The following MYO9A variants were observed in gnomAD, a reference collection of about 807,000 sequenced individuals.
The protein encoded by MYO9A is unconventional myosin-IXa.
Under a neutral mutation model 293.3 loss-of-function variants are expected in MYO9A, and 103 were observed. The observed-to-expected ratio is 0.35, with a 90% confidence interval of 0.30 to 0.41. MYO9A has a LOEUF of 0.41. Among genes scored for constraint, MYO9A ranks in the 10% least tolerant of loss-of-function variants. The pLI is 1.00. For synonymous variants in MYO9A, 1,001 were observed against 1,035.7 expected (o/e 0.97, Z 0.64); for missense variants, 2,685 against 3,033.0 (o/e 0.89, Z 2.69).
At chr15:72,091,696 G>A (rs925247577) in intron 1 of MYO9A, among the ~76,000 whole-genome samples, 2 of 147,150 alleles carry the variant, frequency 1.4e-5, no homozygotes, top group African/African-American at 2.5e-5. Context: ...AAATACATCA[G>A]AAAATATATA....
intron 34 of MYO9A, 127 bp downstream of exon 34, chr15:71,859,608 G>C (rs1433195802): frequency 1.5e-6 from 1 of 650,154 alleles, no homozygotes. Flanking sequence ...TTTCTACTGT[G>C]ATTTGTGGTC....
At position 72,069,390 on chromosome 15, in the gene MYO9A, A is replaced by T. The variant is rs550510312; in HGVS notation, c.-71-22756T>A. ...TATATAGGCTTGTTAAGGGTAGAAT[A>T]TTTTTTTGTCTTTCCATCTGCTATA... On this transcript the variant is annotated intron_variant, in intron 1 of 41. Transcript: ENST00000356056. Among the ~76,000 whole-genome samples, 3 of 152,254 alleles carry T rather than the reference A, an allele frequency of 2.0e-5. No individual in the cohort carries two copies. The East Asian group carries it at 5.8e-4, about 29-fold the overall frequency.
intron 19 of MYO9A, among the ~76,000 whole-genome samples, chr15:71,911,984 G>A (rs2057866356): frequency 6.6e-6 from 1 of 151,642 alleles, no homozygotes; most frequent in Non-Finnish European, 1.5e-5. Flanking sequence ...TTTTTTTATT[G>A]AGTATATTTT....
intron 9 of MYO9A, among the ~76,000 whole-genome samples, chr15:71,998,373 A>C (rs2076761394): frequency 6.6e-6 from 1 of 152,158 alleles, no homozygotes; most frequent in Non-Finnish European, 1.5e-5. Context: ...GTGACGAAAT[A>C]ATCTCTACAA....
chr15:71,966,263 C>T (rs1160966617), intron 13 of MYO9A, among the ~76,000 whole-genome samples: 1 of 41,448 alleles, frequency 2.4e-5, no homozygotes, highest in African/African-American at 9.7e-5. Flanking sequence ...ATATCCCAGG[C>T]AAGTGTGTGT....
rs925362216 is a variant in MYO9A, at chr15:71,875,203, G to A, written c.5979+588C>T. Among the ~76,000 whole-genome samples, 7 of 151,936 alleles carry A rather than the reference G, an allele frequency of 4.6e-5. No individual in the cohort carries two copies. In the South Asian group the frequency reaches 1.0e-3, roughly 23 times the overall value. ...TTATAAATGATGTTGTGTATATGAT[G>A]TATATATGATAACATCATATATTGG... On this transcript the variant is annotated intron_variant, in intron 32 of 41. Coordinates refer to ENST00000356056, the MANE Select transcript of MYO9A (RefSeq NM_006901.4).
At position 71,888,035 on chromosome 15, in the gene MYO9A, C is replaced by T. The variant is rs767828728; in HGVS notation, c.5224G>A (p.Val1742Met). The change falls in exon 27 of 42, where the codon GTG becomes ATG. Residue 1742 changes from valine to methionine, a missense_variant. Coordinates refer to ENST00000356056, the MANE Select transcript of MYO9A (RefSeq NM_006901.4). The stretch of plus-strand genomic sequence containing the variant: ...TCTGAATCTGAAGCCTTCTGTCTCA[C>T]TGCCAACTTGGTAATCTCTCCTTGA... ...MSQGEITKLA[V>M]RQKASDSDIR... 2 of 1,609,390 alleles carry T rather than the reference C, an allele frequency of 1.2e-6. No homozygotes were observed. Among genetic ancestry groups the T allele is most frequent in the Non-Finnish European group, 8.5e-7 (1 of 1,176,802 alleles).
chr15:71,843,867 T>TATCA (rs1414923006), intron 39 of MYO9A, among the ~76,000 whole-genome samples: 1 of 152,180 alleles, frequency 6.6e-6, no homozygotes, highest in East Asian at 1.9e-4. Flanking sequence ...TCCCATTCCC[T>TATCA]ATCATAAATA....
Position 72,010,363 on chromosome 15 carries a change from T to C in MYO9A, c.1240A>G (p.Lys414Glu), listed in dbSNP as rs750578309. 1 of 1,613,300 alleles carries C rather than the reference T, an allele frequency of 6.2e-7. No individual in the cohort carries two copies. Among genetic ancestry groups the C allele is most frequent in the African/African-American group, 1.3e-5 (1 of 74,930 alleles). Residue 414 changes from lysine (K) to glutamate (E), a missense_variant, in exon 7 of 42, where the codon AAG becomes GAG. Lys to Glu is a moderately conservative substitution (Grantham distance 56, BLOSUM62 1). This residue lies in a region of MYO9A where 289 missense variants were observed against 456.8 expected (regional missense o/e 0.63). Coordinates refer to ENST00000356056, the MANE Select transcript of MYO9A (RefSeq NM_006901.4). ...AAGTAAACTCACTGTCTTCGTGTCT[T>C]GGGAAGAAATCCTACCATTTCCATG... ...LAMEMVGFLP[K>E]TRRQIFSLLS...
intron 15 of MYO9A, among the ~76,000 whole-genome samples, chr15:71,948,825 G>C (rs1415471409): frequency 2.0e-5 from 3 of 151,888 alleles, no homozygotes; most frequent in Non-Finnish European, 4.4e-5. Context: ...AGGACATTGT[G>C]GATAACACAT....
intron 11 of MYO9A, among the ~76,000 whole-genome samples, chr15:71,986,568 T>C (rs896565336): frequency 6.6e-6 from 1 of 152,194 alleles, no homozygotes. Flanking sequence ...ATCCTGACCC[T>C]GTGTAGGCCT....
chr15:71,930,198 A>G (rs1182542883), intron 18 of MYO9A, among the ~76,000 whole-genome samples: 4 of 152,116 alleles, frequency 2.6e-5, no homozygotes, highest in African/African-American at 9.7e-5. Context: ...AATGTTCTGT[A>G]TATGTCTATT....
At position 71,826,678 on chromosome 15, in the gene MYO9A, C is replaced by CT; in HGVS notation, c.7548dup (p.Glu2517ArgfsTer28). ...CTGCGGCCAGACATGACTGTCCCCTCTGGGGTCTCTTTGGTTTTCTGAGGT... is the reference window on the plus strand; with the variant it reads ...CTGCGGCCAGACATGACTGTCCCCTCTTGGGGTCTCTTTGGTTTTCTGAGGT... On this transcript the variant is annotated frameshift_variant, in exon 42 of 42. Coordinates refer to ENST00000356056, the MANE Select transcript of MYO9A (RefSeq NM_006901.4). LOFTEE classifies it high-confidence loss of function. 1 of 1,614,088 alleles carries CT rather than the reference C, an allele frequency of 6.2e-7. No homozygotes were observed. The highest frequency in any genetic ancestry group is 1.1e-5 in the South Asian group (1 of 91,078).
At chr15:71,866,541 C>A (rs2056332767) in intron 32 of MYO9A, among the ~76,000 whole-genome samples, 1 of 150,464 alleles carries the variant, frequency 6.6e-6, no homozygotes, top group South Asian at 2.1e-4. Context: ...TTTTTTTAAA[C>A]CTGTATATGA....
At chr15:72,019,749 T>C (rs2077446367) in intron 5 of MYO9A, among the ~76,000 whole-genome samples, 1 of 152,120 alleles carries the variant, frequency 6.6e-6, no homozygotes, top group African/African-American at 2.4e-5. Flanking sequence ...AGGTATAACT[T>C]TCTTTTTTTC....
rs192852941 is a variant in MYO9A, at chr15:71,845,081, C to T, written c.6837+3764G>A. On this transcript the variant is annotated intron_variant, in intron 39 of 41. Coordinates refer to ENST00000356056, the MANE Select transcript of MYO9A (RefSeq NM_006901.4). ...AAGACGGAAGATCACTGTTGAGTGC[C>T]TTTTGTTAAGTCACAAAAATAGGAA... Among the ~76,000 whole-genome samples, 15 of 152,282 alleles carry T rather than the reference C, an allele frequency of 9.9e-5. No homozygotes were observed. The East Asian group carries it at 2.7e-3, about 27-fold the overall frequency.
At chr15:71,985,111 G>A (rs557249390) in intron 11 of MYO9A, among the ~76,000 whole-genome samples, 1 of 152,180 alleles carries the variant, frequency 6.6e-6, no homozygotes, top group South Asian at 2.1e-4. Flanking sequence ...GTAAAGATGG[G>A]GTTTCACCAT....
intron 1 of MYO9A, among the ~76,000 whole-genome samples, chr15:72,101,851 G>A (rs1275599312): frequency 4.7e-5 from 7 of 149,570 alleles, no homozygotes; most frequent in African/African-American, 1.5e-4. Context: ...CAGCCGCCCC[G>A]TCCGGGAGGG....
intron 11 of MYO9A, among the ~76,000 whole-genome samples, chr15:71,982,047 T>TCTCA (rs1376987939): frequency 8.7e-6 from 1 of 115,588 alleles, no homozygotes; most frequent in East Asian, 2.7e-4. Flanking sequence ...TGGGACAGAG[T>TCTCA]CTCACTCTGT....
Sources: allele counts gnomAD v4.1 joint callset (sites outside exome capture counted in the v4.1 genomes callset), GRCh38; gene constraint gnomAD v4.1.1; regional missense constraint gnomAD v4.1.1; transcripts MANE v1.5; gene names NCBI Gene and HGNC (gene_info 2026-07-23, HGNC 2026-07-21).